The following KAZN variants were observed in gnomAD, a reference collection of about 807,000 sequenced individuals.
The protein encoded by KAZN is kazrin, periplakin interacting protein, also known as kazrin.
In KAZN, 40 loss-of-function variants were observed where a neutral mutation model predicts 87.4. That is an observed-to-expected ratio of 0.46 (90% CI 0.36 to 0.60). KAZN has a LOEUF of 0.60. KAZN is among the 20% of genes least tolerant of loss of function. The probability of loss-of-function intolerance (pLI) is 0.00; values close to 1 mark genes in which losing one functional copy is unlikely to be tolerated. For synonymous variants in KAZN, 466 were observed against 458.3 expected (o/e 1.02, Z -0.22); for missense variants, 898 against 1,073.9 (o/e 0.84, Z 2.29).
At chr1:15,001,222 G>A (rs188841489) in intron 2 of KAZN, among the ~76,000 whole-genome samples, 44 of 152,026 alleles carry the variant, frequency 2.9e-4, no homozygotes, top group African/African-American at 1.0e-3. Context: ...AGCACTTTGG[G>A]AGGCTGACGC....
chr1:14,730,417 T>C (rs1421090341), intron 1 of KAZN, among the ~76,000 whole-genome samples: 1 of 152,170 alleles, frequency 6.6e-6, no homozygotes, highest in Non-Finnish European at 1.5e-5. Flanking sequence ...TTCACGCTTA[T>C]TCATTGATGG....
At chr1:14,480,900 A>G (rs1001197646) in intron 2 of KAZN, among the ~76,000 whole-genome samples, 11 of 147,578 alleles carry the variant, frequency 7.5e-5, no homozygotes, top group Admixed American at 6.8e-4. Context: ...ACCTGAAAGA[A>G]AATATATATT....
intron 1 of KAZN, among the ~76,000 whole-genome samples, chr1:14,139,269 G>A (rs1645180337): frequency 6.6e-6 from 1 of 152,210 alleles, no homozygotes; most frequent in Non-Finnish European, 1.5e-5. Context: ...AAGGTAAGCT[G>A]ATGTGGTACA....
intron 1 of KAZN, among the ~76,000 whole-genome samples, chr1:14,830,245 A>C (rs188125412): frequency 6.6e-6 from 1 of 152,166 alleles, no homozygotes; most frequent in African/African-American, 2.4e-5. Context: ...GAGCCGTAGC[A>C]GGTGGCCATG....
At chr1:14,494,917 G>C (rs953006408) in intron 2 of KAZN, among the ~76,000 whole-genome samples, 5 of 152,102 alleles carry the variant, frequency 3.3e-5, no homozygotes, top group Non-Finnish European at 5.9e-5. Flanking sequence ...GAGAATTCTG[G>C]GAACTTCCCC....
chr1:13,904,838 C>A (rs972694079), intron 1 of KAZN, among the ~76,000 whole-genome samples: 1 of 152,126 alleles, frequency 6.6e-6, no homozygotes, highest in Admixed American at 6.5e-5. Flanking sequence ...TTACTTATTT[C>A]TTTGAACACT....
chr1:14,472,183 C>A (rs188540344), intron 2 of KAZN, among the ~76,000 whole-genome samples: 1 of 152,160 alleles, frequency 6.6e-6, no homozygotes, highest in Non-Finnish European at 1.5e-5. Flanking sequence ...TTAATCAGGT[C>A]CTGAAAGGCC....
chr1:14,034,685 G>A (rs1483799968), intron 1 of KAZN, among the ~76,000 whole-genome samples: 1 of 152,170 alleles, frequency 6.6e-6, no homozygotes, highest in Non-Finnish European at 1.5e-5. Flanking sequence ...ATGACCACAG[G>A]CAGAGTTAAA....
chr1:14,659,392 C>T (rs2148711587), intron 1 of KAZN, among the ~76,000 whole-genome samples: 1 of 151,942 alleles, frequency 6.6e-6, no homozygotes, highest in South Asian at 2.1e-4. Flanking sequence ...ATCTAGGACA[C>T]TCTGGGGTTT....
At chr1:13,923,545 C>G (rs1164795168) in intron 1 of KAZN, among the ~76,000 whole-genome samples, 1 of 140,258 alleles carries the variant, frequency 7.1e-6, no homozygotes, top group Non-Finnish European at 1.5e-5. Context: ...TGCACTCCAG[C>G]CTGGGTGACA....
chr1:14,180,622 G>A, intron 2 of KAZN: 1 of 1,521,434 alleles, frequency 6.6e-7, no homozygotes, highest in East Asian at 2.5e-5. Context: ...AATTCTCTAT[G>A]GAGAAGGTGG....
chr1:13,994,402 A>G (rs1264566779), intron 1 of KAZN, among the ~76,000 whole-genome samples: 1 of 152,236 alleles, frequency 6.6e-6, no homozygotes, highest in Admixed American at 6.5e-5. Flanking sequence ...TTCTCCAGTT[A>G]AAATCATAAA....
chr1:14,110,093 T>C (rs974327998), intron 1 of KAZN, among the ~76,000 whole-genome samples: 1 of 137,410 alleles, frequency 7.3e-6, no homozygotes, highest in Non-Finnish European at 1.6e-5. Flanking sequence ...AAAGAAAATC[T>C]TATTCATTGC....
intron 1 of KAZN, among the ~76,000 whole-genome samples, chr1:14,655,477 C>T (rs997342102): frequency 2.0e-5 from 3 of 152,194 alleles, no homozygotes; most frequent in South Asian, 2.1e-4. Context: ...CGGGTCATTA[C>T]AGTGAATTAG....
chr1:14,228,228 C>A (rs1027389918), intron 2 of KAZN, among the ~76,000 whole-genome samples: 3 of 152,126 alleles, frequency 2.0e-5, no homozygotes, highest in Non-Finnish European at 4.4e-5. Flanking sequence ...GCAGCAGTGA[C>A]CATTACCACT....
intron 2 of KAZN, among the ~76,000 whole-genome samples, chr1:14,341,962 C>T (rs1657759383): frequency 6.6e-6 from 1 of 152,182 alleles, no homozygotes; most frequent in African/African-American, 2.4e-5. Context: ...GTTATTCCTC[C>T]TGCTCATCTC....
intron 2 of KAZN, among the ~76,000 whole-genome samples, chr1:14,436,347 C>T (rs972395872): frequency 1.2e-4 from 18 of 151,190 alleles, no homozygotes; most frequent in African/African-American, 4.4e-4. Flanking sequence ...TGATGATGAC[C>T]ATGGCAGTGC....
Position 14,356,858 on chromosome 1 carries a change from A to T in KAZN, c.249+176266A>T, listed in dbSNP as rs1022266358. Among the ~76,000 whole-genome samples, 5 of 152,218 alleles carry T rather than the reference A, an allele frequency of 3.3e-5. No individual in the cohort carries two copies. The South Asian group carries it at 1.0e-3, about 32-fold the overall frequency. On this transcript the variant is annotated intron_variant, in intron 2 of 16. Coordinates refer to the KAZN transcript ENST00000636203. The stretch of plus-strand genomic sequence containing the variant: ...GTAGTATAGTTTGAAGTCAGGTAGC[A>T]GGATACCTCCAGCTTTGTTCTTTTT...
intron 1 of KAZN, among the ~76,000 whole-genome samples, chr1:14,848,780 G>A (rs1345839215): frequency 1.3e-5 from 2 of 152,174 alleles, no homozygotes; most frequent in Non-Finnish European, 2.9e-5. Flanking sequence ...CTTCATCAAG[G>A]GCCATGAAGC....
Sources: gnomAD v4.1 joint callset for allele counts (sites outside exome capture counted in the v4.1 genomes callset) on GRCh38, gnomAD v4.1.1 for gene constraint, MANE v1.5 for transcripts, NCBI Gene and HGNC (gene_info 2026-07-23, HGNC 2026-07-21) for gene names.